The following NFIA variants were observed in gnomAD, a reference collection of about 807,000 sequenced individuals.
NFIA encodes the protein nuclear factor I A.
In NFIA, 8 loss-of-function variants were observed where a neutral mutation model predicts 62.8. The observed-to-expected ratio is 0.13, with a 90% CI of 0.07 to 0.23. The LOEUF (loss-of-function observed/expected upper bound fraction) is 0.23, where lower values mean the gene tolerates loss of function less well. Ranked by LOEUF, NFIA falls within the 10% of genes least tolerant of loss-of-function variation. The pLI is 1.00. For missense variants in NFIA, 410 were observed against 642.1 expected (o/e 0.64, Z 3.91); for synonymous variants, 235 against 238.1 (o/e 0.99, Z 0.12).
intron 2 of NFIA, among the ~76,000 whole-genome samples, chr1:61,165,557 T>A (rs1015030219): frequency 1.3e-4 from 20 of 152,326 alleles, no homozygotes; most frequent in South Asian, 4.1e-4. Flanking sequence ...TCCAGCAAAT[T>A]GACTCGTGTG....
chr1:61,371,454 C>A (rs996639589), intron 6 of NFIA, among the ~76,000 whole-genome samples: 5 of 152,026 alleles, frequency 3.3e-5, no homozygotes, highest in South Asian at 2.1e-4. Context: ...CCTTAACATA[C>A]CTTTCATTTA....
intron 6 of NFIA, among the ~76,000 whole-genome samples, chr1:61,374,283 A>G (rs139597803): frequency 2.0e-3 from 306 of 152,234 alleles, no homozygotes; most frequent in Admixed American, 4.8e-3. Context: ...GTGAATGCGT[A>G]TAATTGCTAT....
At chr1:61,201,744 C>T (rs967822074) in intron 2 of NFIA, among the ~76,000 whole-genome samples, 3 of 152,044 alleles carry the variant, frequency 2.0e-5, no homozygotes, top group African/African-American at 7.2e-5. Context: ...GGTGTGCTCT[C>T]CTTTCACGAG....
chr1:61,328,582 C>T (rs967035528), intron 3 of NFIA, among the ~76,000 whole-genome samples: 13 of 151,772 alleles, frequency 8.6e-5, no homozygotes, highest in Non-Finnish European at 1.5e-4. Flanking sequence ...CCACCATGCC[C>T]GGCTAATTTT....
chr1:61,138,824 C>T (rs1305114391), intron 2 of NFIA, among the ~76,000 whole-genome samples: 3 of 151,716 alleles, frequency 2.0e-5, no homozygotes, highest in Non-Finnish European at 4.4e-5. Flanking sequence ...TCAAGTCGTC[C>T]GCCCACCTCG....
At chr1:61,197,947 C>T (rs145220074) in intron 2 of NFIA, among the ~76,000 whole-genome samples, 1 of 152,098 alleles carries the variant, frequency 6.6e-6, no homozygotes, top group Non-Finnish European at 1.5e-5. Context: ...TGCCATTGCA[C>T]TCCAGCCTGG....
intron 4 of NFIA, among the ~76,000 whole-genome samples, chr1:61,349,937 A>C (rs953433247): frequency 6.6e-6 from 1 of 151,958 alleles, no homozygotes; most frequent in Non-Finnish European, 1.5e-5. Flanking sequence ...AATAACTTAC[A>C]TCAGGCTCCT....
At chr1:61,112,242 C>A (rs1222113992) in intron 2 of NFIA, among the ~76,000 whole-genome samples, 1 of 151,578 alleles carries the variant, frequency 6.6e-6, no homozygotes, top group Admixed American at 6.6e-5. Flanking sequence ...TAATATATTT[C>A]TCTATTCTTT....
chr1:61,402,606 T>A (rs928074110), intron 7 of NFIA, among the ~76,000 whole-genome samples: 4 of 152,144 alleles, frequency 2.6e-5, no homozygotes, highest in Non-Finnish European at 4.4e-5. Flanking sequence ...AAATTCTGAT[T>A]CAAATAGGTT....
At chr1:61,143,650 C>T (rs12747370) in intron 2 of NFIA, among the ~76,000 whole-genome samples, 1 of 152,142 alleles carries the variant, frequency 6.6e-6, no homozygotes, top group Non-Finnish European at 1.5e-5. Context: ...CTTGGCCTCC[C>T]AAAGTGCTAG....
intron 2 of NFIA, among the ~76,000 whole-genome samples, chr1:61,221,229 T>G (rs1653997759): frequency 6.6e-6 from 1 of 152,164 alleles, no homozygotes; most frequent in Admixed American, 6.5e-5. Context: ...ATTCTCTATT[T>G]AATAAGATTA....
intron 2 of NFIA, among the ~76,000 whole-genome samples, chr1:61,108,264 T>A (rs1046213337): frequency 4.0e-5 from 6 of 151,728 alleles, no homozygotes; most frequent in African/African-American, 1.4e-4. Context: ...TTATTATCTA[T>A]GAACATGGTA....
chr1:61,438,976 G>T (rs1174297612), intron 10 of NFIA, among the ~76,000 whole-genome samples: 1 of 145,890 alleles, frequency 6.9e-6, no homozygotes, highest in Non-Finnish European at 1.5e-5. Flanking sequence ...TTCGTTTTCT[G>T]TCCATTCCTA....
intron 10 of NFIA, among the ~76,000 whole-genome samples, chr1:61,449,847 C>T (rs1022620389): frequency 1.3e-5 from 2 of 152,228 alleles, no homozygotes; most frequent in South Asian, 4.1e-4. Flanking sequence ...CAGTAACTAA[C>T]ACCTGTGTAC....
chr1:61,388,123 A>G (rs1047599378), intron 7 of NFIA, among the ~76,000 whole-genome samples: 4 of 152,228 alleles, frequency 2.6e-5, no homozygotes, highest in African/African-American at 9.6e-5. Context: ...CCATGGGGAC[A>G]ATACTTTACC....
chr1:61,375,604 T>G (rs1450946629), intron 6 of NFIA, among the ~76,000 whole-genome samples: 2 of 152,100 alleles, frequency 1.3e-5, no homozygotes, highest in Non-Finnish European at 2.9e-5. Flanking sequence ...GAGCTTTGGT[T>G]TCCTGGGTTC....
At chr1:61,337,967 G>A (rs12741051) in intron 4 of NFIA, among the ~76,000 whole-genome samples, 17,310 of 152,166 alleles carry the variant, frequency 0.11, 1,022 homozygotes, top group South Asian at 0.15. Flanking sequence ...AGTTGGTGGA[G>A]TGACTTCGAA....
chr1:61,162,633 T>A (rs932988660), intron 2 of NFIA, among the ~76,000 whole-genome samples: 4 of 152,154 alleles, frequency 2.6e-5, no homozygotes, highest in South Asian at 2.1e-4. Context: ...AACTTGTTCC[T>A]TTTAGCCCAC....
At chr1:61,448,688 T>TA (rs1357321951) in intron 10 of NFIA, among the ~76,000 whole-genome samples, 3 of 152,236 alleles carry the variant, frequency 2.0e-5, no homozygotes, top group South Asian at 2.1e-4. Context: ...TCCTGGCTCT[T>TA]ACGGCTATGC....
Sources: allele counts gnomAD v4.1 joint callset (sites outside exome capture counted in the v4.1 genomes callset), GRCh38; gene constraint gnomAD v4.1.1; transcripts MANE v1.5; gene names NCBI Gene and HGNC (gene_info 2026-07-23, HGNC 2026-07-21).